The following MAG variants were observed in gnomAD, a reference collection of about 807,000 sequenced individuals.
MAG encodes myelin associated glycoprotein.
Under a neutral mutation model 60.7 loss-of-function variants are expected in MAG, and 30 were observed. The observed-to-expected ratio is 0.49, with a 90% CI of 0.37 to 0.67. The LOEUF (loss-of-function observed/expected upper bound fraction) is 0.67, where lower values mean the gene tolerates loss of function less well. Ranked by LOEUF, MAG falls within the 30% of genes least tolerant of loss-of-function variation. The probability of loss-of-function intolerance (pLI) is 0.00; values close to 1 mark genes in which losing one functional copy is unlikely to be tolerated. For synonymous variants in MAG, 384 were observed against 376.8 expected (o/e 1.02, Z -0.22); for missense variants, 795 against 851.7 (o/e 0.93, Z 0.83).
intron 7 of MAG, among the ~76,000 whole-genome samples, chr19:35,307,823 G>A (rs1568475292): frequency 6.6e-6 from 1 of 152,222 alleles, no homozygotes; most frequent in East Asian, 1.9e-4. Flanking sequence ...GGAGGGTGGT[G>A]TTTGGTGCTA....
At chr19:35,308,583 ACCCTC>A (rs1328450596) in intron 7 of MAG, among the ~76,000 whole-genome samples, 7 of 151,966 alleles carry the variant, frequency 4.6e-5, no homozygotes, top group Non-Finnish European at 8.8e-5. Context: ...ACAAACAAAA[ACCCTC>A]CAGTAACTAT....
At chr19:35,292,720 G>T (rs1193916963) in intron 1 of MAG, among the ~76,000 whole-genome samples, 1 of 151,776 alleles carries the variant, frequency 6.6e-6, no homozygotes, top group African/African-American at 2.4e-5. Context: ...AGCCTCAGTC[G>T]ACTTTTCTTC....
chr19:35,307,046 T>A (rs2066490857), intron 7 of MAG, among the ~76,000 whole-genome samples: 1 of 152,376 alleles, frequency 6.6e-6, no homozygotes, highest in East Asian at 1.9e-4. Context: ...GTGTCGGCGT[T>A]CCGCCGACAT....
At chr19:35,292,334 G>A (rs2066362690) in intron 1 of MAG, 130 bp downstream of exon 1, 3 of 437,684 alleles carry the variant, frequency 6.9e-6, no homozygotes, top group Non-Finnish European at 1.4e-5. Context: ...TTAGGATGCA[G>A]GAGTGTGTGG....
At chr19:35,299,439 T>G in intron 4 of MAG, 115 bp from the exon 5 acceptor site, 3 of 693,150 alleles carry the variant, frequency 4.3e-6, no homozygotes, top group Non-Finnish European at 7.0e-6. Context: ...GGCGATACCG[T>G]TGAGGAGTAC....
intron 5 of MAG, 139 bp from the exon 6 acceptor site, chr19:35,300,008 G>A (rs2066435804): frequency 1.6e-6 from 2 of 1,224,218 alleles, no homozygotes; most frequent in Admixed American, 3.2e-5. Context: ...TGGGACGGGG[G>A]CGGAACCAGG....
In MAG at chr19:35,299,470, G is replaced by T. The variant is rs569776888; in HGVS notation, c.416-84G>T. The T allele has an allele frequency of 2.3e-5, 20 of 852,310 alleles. No individual in the cohort carries two copies. The East Asian group carries it at 5.7e-4, about 24-fold the overall frequency. The allele number at this position is 852,310 out of a possible 1,614,324, so 52.8% of individuals were successfully genotyped here. A position where few individuals can be genotyped will look rare whatever the true frequency, so the allele number is the denominator to read the frequency against. On this transcript the variant is annotated intron_variant, in intron 4 of 10. Coordinates refer to ENST00000392213, the MANE Select transcript of MAG (RefSeq NM_002361.4). ...AGTACCATTGCCAGCAATGGAGGTG[G>T]ACAAGGAGGAGGGTGGGTGGGGTGG...
At chr19:35,298,808 A>T (rs2066423351) in intron 4 of MAG, among the ~76,000 whole-genome samples, 1 of 141,790 alleles carries the variant, frequency 7.1e-6, no homozygotes, top group Non-Finnish European at 1.5e-5. Context: ...CCCCACACAC[A>T]CTGCACACAT....
intron 7 of MAG, among the ~76,000 whole-genome samples, chr19:35,307,168 G>A (rs2066491948): frequency 6.6e-6 from 1 of 152,224 alleles, no homozygotes; most frequent in South Asian, 2.1e-4. Context: ...TGTACTCCGT[G>A]GCGTGTTAGC....
Position 35,313,310 on chromosome 19 carries a change from T to C in MAG, c.1737T>C (p.Ser579=), listed in dbSNP as rs2066542339. ...CTTAGAGCGAGAGGCGCCTGGGATC[T>C]GAGAGGAGGCTGCTGGGCCTTCGGG... ...EKYESERRLG[S]ERRLLGLRGE... The change falls in exon 11 of 11, where the codon TCT becomes TCC. Residue 579 remains serine, a synonymous_variant. Transcript: ENST00000392213. 3 of 1,613,740 alleles carry C rather than the reference T, an allele frequency of 1.9e-6. No homozygotes were observed. The highest frequency in any genetic ancestry group is 1.7e-6 in the Non-Finnish European group (2 of 1,179,906).
chr19:35,309,854 AC>A lies in MAG; in HGVS notation c.1232-18del. The A allele has an allele frequency of 6.3e-7, 1 of 1,598,922 alleles. No homozygotes were observed. Among genetic ancestry groups the A allele is most frequent in the Non-Finnish European group, 8.5e-7 (1 of 1,174,126 alleles). On this transcript the variant is annotated intron_variant, in intron 7 of 10. Transcript: ENST00000392213. Reference sequence around the variant, plus strand: ...CGCGTTGGCTCCGGGCCACCCTCAGACCTGATTTTGCCCCTGCAGTCGCCCC... The same window carrying A: ...CGCGTTGGCTCCGGGCCACCCTCAGACTGATTTTGCCCCTGCAGTCGCCCC...
chr19:35,311,507 C>T (rs1221909381), intron 9 of MAG, among the ~76,000 whole-genome samples: 3 of 152,130 alleles, frequency 2.0e-5, no homozygotes, highest in African/African-American at 7.2e-5. Flanking sequence ...AAAGCCTCTC[C>T]AGCCCCAAAC....
chr19:35,295,778 C>T lies in MAG; in HGVS notation c.212C>T (p.Pro71Leu), dbSNP rs900985751. The stretch of plus-strand genomic sequence containing the variant: ...AGCCCCTACCCCAAGAACTACCCCC[C>T]GGTGGTCTTCAAGTCGCGCACCCAA... Reference protein sequence around the residue: ...FNSPYPKNYPPVVFKSRTQVV... With the variant: ...FNSPYPKNYPLVVFKSRTQVV... The change falls in exon 4 of 11, where the codon CCG becomes CTG. Residue 71 changes from proline (P) to leucine (L), a missense_variant. Physicochemically the swap from Pro to Leu is moderately conservative, Grantham distance 98. Coordinates refer to ENST00000392213, the MANE Select transcript of MAG (RefSeq NM_002361.4). This position sits in a 1 kb window ranked among gnomAD's most constrained non-coding sequence, Gnocchi z 5.8. 1.5e-5 allele frequency: 25 copies of T among 1,613,984 alleles called. No individual in the cohort carries two copies. The highest frequency in any genetic ancestry group is 2.1e-5 in the Non-Finnish European group (25 of 1,180,018).
Position 35,293,035 on chromosome 19 carries a change from C to G in MAG, c.-80+831C>G, listed in dbSNP as rs1336793231. ...GTAATAGCTGAGGTTGATTTGGCCCCCATCCCGAGAACTTGTTTTCCCCGC... is the reference window on the plus strand; with the variant it reads ...GTAATAGCTGAGGTTGATTTGGCCCGCATCCCGAGAACTTGTTTTCCCCGC... On this transcript the variant is annotated intron_variant, in intron 1 of 10. Transcript: ENST00000392213. The surrounding 1 kb of genome is among the most constrained non-coding windows in gnomAD (Gnocchi z 4.0). 3.3e-5 allele frequency among the ~76,000 whole-genome samples: 5 copies of G among 152,180 alleles called. No homozygotes were observed. Among genetic ancestry groups the G allele is most frequent in the African/African-American group, 4.8e-5 (2 of 41,446 alleles).
At chr19:35,296,059 G>A (rs1362483471) in intron 4 of MAG, 78 bp downstream of exon 4, 11 of 1,500,662 alleles carry the variant, frequency 7.3e-6, no homozygotes, top group East Asian at 2.3e-5. Flanking sequence ...AGGCCTCCCC[G>A]CACCTTCCCC....
At chr19:35,296,069 C>A in intron 4 of MAG, 88 bp downstream of exon 4, 1 of 1,489,936 alleles carries the variant, frequency 6.7e-7, no homozygotes, top group South Asian at 1.3e-5. Flanking sequence ...GCACCTTCCC[C>A]AGCAGGCCTG....
chr19:35,312,450 C>T lies in MAG; in HGVS notation c.1716+433C>T, dbSNP rs1441286685. The T allele has an allele frequency of 1.7e-5, 14 of 843,780 alleles. 1 individual carries two copies. Among genetic ancestry groups the T allele is most frequent in the South Asian group, 4.2e-5 (3 of 71,632 alleles). The allele number at this position is 843,780 out of a possible 1,614,324, so 52.3% of individuals were successfully genotyped here. On this transcript the variant is annotated intron_variant, in intron 10 of 10. Transcript: ENST00000392213. ...TCTGGTGATGTCCGGGCCTGCCCGG[C>T]AGTGCTGGCCTTGTCTAGTCTGTCC...
chr19:35,298,760 G>A (rs555490866), intron 4 of MAG, among the ~76,000 whole-genome samples: 20 of 116,272 alleles, frequency 1.7e-4, no homozygotes, highest in African/African-American at 6.6e-4. Flanking sequence ...CACGTACTAC[G>A]CAAACCACAT....
chr19:35,306,818 C>G (rs899616959), intron 7 of MAG, among the ~76,000 whole-genome samples: 4 of 152,204 alleles, frequency 2.6e-5, no homozygotes, highest in African/African-American at 9.7e-5. Flanking sequence ...ACTGTAACCC[C>G]CTGGTTTGCA....
Sources: allele counts gnomAD v4.1 joint callset (sites outside exome capture counted in the v4.1 genomes callset), GRCh38; gene constraint gnomAD v4.1.1; non-coding constraint Gnocchi (gnomAD v3.1); transcripts MANE v1.5; gene names NCBI Gene and HGNC (gene_info 2026-07-23, HGNC 2026-07-21).